Variants in LACC1 observed in about 807,000 individuals in gnomAD.
LACC1 encodes the protein laccase domain multifunctional purine nucleosidase 1.
LACC1 carries 25 observed loss-of-function variants against 34.8 expected under a neutral mutation model. That is an observed-to-expected ratio of 0.72 (90% CI 0.52 to 1.00). LACC1 has a LOEUF of 1.00. Among genes scored for constraint, LACC1 ranks in the 50% least tolerant of loss-of-function variants. The pLI is 0.00. For missense variants in LACC1, 426 were observed against 511.2 expected (o/e 0.83, Z 1.61); for synonymous variants, 162 against 168.0 (o/e 0.96, Z 0.28).
At chr13:43,886,492 T>G (rs1318287411) in intron 4 of LACC1, among the ~76,000 whole-genome samples, 1 of 152,126 alleles carries the variant, frequency 6.6e-6, no homozygotes, top group Non-Finnish European at 1.5e-5. Flanking sequence ...CTAAATGAAT[T>G]AATGCAGGAA....
chr13:43,885,874 C>T (rs1282112405), intron 4 of LACC1, among the ~76,000 whole-genome samples: 1 of 152,038 alleles, frequency 6.6e-6, no homozygotes, highest in African/African-American at 2.4e-5. Flanking sequence ...AAAGGTCTAA[C>T]ACCGAGACTC....
rs1371594152 is a variant in LACC1, at chr13:43,893,432, T to C, written c.*1985T>C. 6.6e-6 allele frequency: 1 copy of C among 152,052 alleles called. No homozygotes were observed. The highest frequency in any genetic ancestry group is 6.5e-5 in the Admixed American group (1 of 15,280). The allele number at this position is 152,052 out of a possible 1,614,324, so 9.4% of individuals were successfully genotyped here. ...TAAAGGGATCTTCATTATACTTTTA[T>C]TGTTAACTTTTTGTTAACATAATTT... is the stretch of plus-strand genomic sequence containing the variant. On this transcript the variant is annotated 3_prime_UTR_variant, in exon 7 of 7. Coordinates refer to ENST00000325686, the MANE Select transcript of LACC1 (RefSeq NM_153218.4).
intron 4 of LACC1, among the ~76,000 whole-genome samples, chr13:43,884,790 AC>A (rs1274151888): frequency 6.6e-6 from 1 of 152,076 alleles, no homozygotes; most frequent in Non-Finnish European, 1.5e-5. Flanking sequence ...TTTTATTTTG[AC>A]CTAGCTGAAA....
intron 5 of LACC1, chr13:43,889,888 A>G (rs1166771360): frequency 9.6e-6 from 4 of 414,784 alleles, no homozygotes; most frequent in African/African-American, 4.1e-5. Flanking sequence ...ATAAGACAAT[A>G]TGGAAGGTTG....
rs1224860270 is a variant in LACC1, at chr13:43,892,889, T to G, written c.*1442T>G. 1 of 152,186 alleles carries G rather than the reference T, an allele frequency of 6.6e-6. No homozygotes were observed. The highest frequency in any genetic ancestry group is 1.5e-5 in the Non-Finnish European group (1 of 67,948). The allele number at this position is 152,186 out of a possible 1,614,324, so 9.4% of individuals were successfully genotyped here. A position where few individuals can be genotyped will look rare whatever the true frequency, so the allele number is the denominator to read the frequency against. ...CAATGGATTAAACATATTGAAACTG[T>G]TCTATAGGCAGTGGTCATTGAGTCA... On this transcript the variant is annotated 3_prime_UTR_variant, in exon 7 of 7. Coordinates refer to ENST00000325686, the MANE Select transcript of LACC1 (RefSeq NM_153218.4).
In LACC1 at chr13:43,883,694, A is replaced by G. The variant is rs568845229; in HGVS notation, c.742-77A>G. 2.2e-4 allele frequency: 248 copies of G among 1,103,706 alleles called. 1 individual carries two copies. In the African/African-American group the frequency reaches 3.5e-3, roughly 16 times the overall value. The allele number at this position is 1,103,706 out of a possible 1,614,324, so 68.4% of individuals were successfully genotyped here. On this transcript the variant is annotated intron_variant, in intron 3 of 6. Transcript: ENST00000325686. The stretch of plus-strand genomic sequence containing the variant: ...ACTGGTTATATAATTTTATACTACA[A>G]TGAGTACCTTCGAGAAAGCTTATGG...
intron 4 of LACC1, among the ~76,000 whole-genome samples, chr13:43,886,323 A>C (rs1955321871): frequency 1.3e-5 from 2 of 152,200 alleles, no homozygotes. Context: ...TCATCACAGC[A>C]CTTTTCACAA....
chr13:43,888,821 C>T lies in LACC1; in HGVS notation c.972C>T (p.Gly324=), dbSNP rs781131159. The change falls in exon 5 of 7, where the codon GGC becomes GGT. Residue 324 remains glycine, a synonymous_variant. Coordinates refer to ENST00000325686, the MANE Select transcript of LACC1 (RefSeq NM_153218.4). The part of the protein sequence containing the change: ...ATVNAMIAEY[G]CSLEDIVVVL... The stretch of plus-strand genomic sequence containing the variant: ...TGAATGCTATGATAGCAGAATATGG[C>T]TGCAGTTTGGAAGACATTGTTGTTG... 1.2e-6 allele frequency: 2 copies of T among 1,613,840 alleles called. No homozygotes were observed. Among genetic ancestry groups the T allele is most frequent in the Admixed American group, 1.7e-5 (1 of 59,998 alleles).
At chr13:43,883,673 G>A in intron 3 of LACC1, 98 bp from the exon 4 acceptor site, 1 of 835,428 alleles carries the variant, frequency 1.2e-6, no homozygotes, top group Non-Finnish European at 1.7e-6. Flanking sequence ...TCTTAAACTG[G>A]TTATATAATT....
chr13:43,880,821 G>A (rs1954979056), intron 1 of LACC1, 131 bp from the exon 2 acceptor site: 1 of 596,272 alleles, frequency 1.7e-6, no homozygotes, highest in Non-Finnish European at 2.8e-6. Flanking sequence ...TTTCTGGGAG[G>A]GGCCTAGATT....
intron 3 of LACC1, 123 bp downstream of exon 3, chr13:43,882,486 C>T: frequency 3.1e-6 from 2 of 644,280 alleles, no homozygotes; most frequent in African/African-American, 1.8e-5. Flanking sequence ...TAGAATAATG[C>T]TGTGGTTGTC....
At chr13:43,886,950 A>T (rs1224534175) in intron 4 of LACC1, among the ~76,000 whole-genome samples, 2 of 152,102 alleles carry the variant, frequency 1.3e-5, no homozygotes, top group African/African-American at 4.8e-5. Flanking sequence ...AAGTGAGAGG[A>T]TAACTAAGGA....
At chr13:43,882,496 C>T in intron 3 of LACC1, 133 bp downstream of exon 3, 1 of 602,044 alleles carries the variant, frequency 1.7e-6, no homozygotes, top group Non-Finnish European at 2.8e-6. Flanking sequence ...CTGTGGTTGT[C>T]TTTCTTAGAT....
At chr13:43,885,587 A>G (rs996237051) in intron 4 of LACC1, among the ~76,000 whole-genome samples, 3 of 152,178 alleles carry the variant, frequency 2.0e-5, no homozygotes, top group Non-Finnish European at 2.9e-5. Context: ...CCTTCCTTTC[A>G]CCATATACAA....
chr13:43,890,897 A>G (rs9533681), intron 6 of LACC1, among the ~76,000 whole-genome samples: 20,868 of 152,242 alleles, frequency 0.14, 1,675 homozygotes, highest in African/African-American at 0.22. Context: ...AGGTAGAGCA[A>G]CAAGAGATAC....
intron 6 of LACC1, among the ~76,000 whole-genome samples, chr13:43,890,858 A>G (rs567212310): frequency 9.2e-5 from 14 of 152,346 alleles, no homozygotes; most frequent in African/African-American, 3.4e-4. Context: ...CATACAGTAT[A>G]TCTCAGCTAC....
intron 4 of LACC1, among the ~76,000 whole-genome samples, chr13:43,884,996 A>G (rs1048101949): frequency 6.6e-6 from 1 of 152,196 alleles, no homozygotes; most frequent in African/African-American, 2.4e-5. Context: ...TCAAGTCATT[A>G]ATAAGTTAAT....
chr13:43,881,418 C>G lies in LACC1; in HGVS notation c.433C>G (p.Gln145Glu). Reference sequence around the variant, plus strand: ...GACTTTTAGGGGAGGGCTTTTTAAACAGTCCATTGAAATAAACGTAATCAC... The same window carrying G: ...GACTTTTAGGGGAGGGCTTTTTAAAGAGTCCATTGAAATAAACGTAATCAC... ...QVTFRGGLFK[Q>E]SIEINVITAQ... Residue 145 changes from glutamine to glutamate, a missense_variant, in exon 2 of 7, where the codon CAG becomes GAG. By Grantham distance (29) the Gln-to-Glu change is conservative. Coordinates refer to ENST00000325686, the MANE Select transcript of LACC1 (RefSeq NM_153218.4). 6.2e-7 allele frequency: 1 copy of G among 1,614,052 alleles called. No individual in the cohort carries two copies. Among genetic ancestry groups the G allele is most frequent in the Non-Finnish European group, 8.5e-7 (1 of 1,179,968 alleles).
Position 43,883,837 on chromosome 13 carries a change from A to G in LACC1, c.808A>G (p.Thr270Ala), listed in dbSNP as rs369962624. ...KEPDSYDGIT[T>A]NQRGVTIAAL... The stretch of plus-strand genomic sequence containing the variant: ...GCCTGACTCTTATGATGGAATAACC[A>G]CAAATCAGAGAGGAGTCACAATAGC... The change falls in exon 4 of 7, where the codon ACA (threonine) becomes GCA (alanine). Residue 270 changes from threonine to alanine, a missense_variant. Coordinates refer to ENST00000325686, the MANE Select transcript of LACC1 (RefSeq NM_153218.4). 1.9e-6 allele frequency: 3 copies of G among 1,613,810 alleles called. No individual in the cohort carries two copies. The highest frequency in any genetic ancestry group is 2.5e-6 in the Non-Finnish European group (3 of 1,179,742).
Sources: gnomAD v4.1 joint callset for allele counts (sites outside exome capture counted in the v4.1 genomes callset) on GRCh38, gnomAD v4.1.1 for gene constraint, MANE v1.5 for transcripts, NCBI Gene and HGNC (gene_info 2026-07-23, HGNC 2026-07-21) for gene names.